Variants in ARMC12 observed in about 807,000 individuals in gnomAD.
ARMC12 encodes armadillo repeat-containing protein 12.
A neutral mutation model predicts 37.4 loss-of-function variants in ARMC12; 25 were observed. The ratio of observed to expected loss-of-function variants is 0.67; its 90% CI spans 0.49 to 0.93. The LOEUF (loss-of-function observed/expected upper bound fraction) is 0.93. ARMC12 is among the 40% of genes least tolerant of loss of function. The pLI is 0.00. For missense variants in ARMC12, 384 were observed against 426.6 expected, an observed-to-expected ratio of 0.90 and a Z score of 0.88; for synonymous variants, 167 against 176.1, an observed-to-expected ratio of 0.95 and a Z score of 0.41.
chr6:35,735,558 C>G (rs758539555), upstream of ARMC12, among the ~76,000 whole-genome samples: 5 of 152,192 alleles, frequency 3.3e-5, no homozygotes, highest in Non-Finnish European at 7.3e-5. This position sits in a 1 kb window ranked among gnomAD's most constrained non-coding sequence, Gnocchi z 4.0. Context: ...TGGGTGCAGC[C>G]CAGGACCCAG....
chr6:35,748,466 G>A (rs1288751998), intron 5 of ARMC12, 72 bp from the exon 6 acceptor site: 18 of 1,289,758 alleles, frequency 1.4e-5, no homozygotes, highest in Non-Finnish European at 1.8e-5. Context: ...TAGGCAATAG[G>A]AATATACAAG....
intron 3 of ARMC12, among the ~76,000 whole-genome samples, chr6:35,740,708 T>C (rs1581923661): frequency 6.6e-6 from 1 of 152,218 alleles, no homozygotes; most frequent in Middle Eastern, 3.4e-3. Context: ...TTCTTTGTAG[T>C]TTTACCATAT....
upstream of ARMC12, chr6:35,737,019 T>C: frequency 1.3e-6 from 2 of 1,564,076 alleles, no homozygotes; most frequent in Non-Finnish European, 8.7e-7. Context: ...GTACCCTGGT[T>C]CCTGACCCTG....
At chr6:35,742,103 T>C (rs4321818) in intron 3 of ARMC12, among the ~76,000 whole-genome samples, 88,558 of 151,492 alleles carry the variant, frequency 0.58, 27,213 homozygotes, top group African/African-American at 0.79. Flanking sequence ...GTGATCCACC[T>C]GCCTCAGCCT....
intron 3 of ARMC12, among the ~76,000 whole-genome samples, chr6:35,743,303 G>A (rs1767233496): frequency 6.7e-6 from 1 of 149,970 alleles, no homozygotes; most frequent in African/African-American, 2.5e-5. Context: ...CGCAACCTCC[G>A]CCTCCCGGGT....
At chr6:35,743,544 T>C (rs1767243119) in intron 3 of ARMC12, among the ~76,000 whole-genome samples, 1 of 152,110 alleles carries the variant, frequency 6.6e-6, no homozygotes, top group Non-Finnish European at 1.5e-5. Flanking sequence ...GAACCGAAGA[T>C]CCCTTTATTC....
chr6:35,736,229 G>A (rs1392755792), upstream of ARMC12, among the ~76,000 whole-genome samples: 1 of 152,222 alleles, frequency 6.6e-6, no homozygotes, highest in Non-Finnish European at 1.5e-5. Context: ...GGAAAAGGGT[G>A]GATTTGCCTC....
chr6:35,748,577 T>G lies in ARMC12; in HGVS notation c.730T>G (p.Ser244Ala), dbSNP rs368911011. 6.4e-7 allele frequency: 1 copy of G among 1,566,028 alleles called. No homozygotes were observed. The highest frequency in any genetic ancestry group is 8.7e-7 in the Non-Finnish European group (1 of 1,153,764). The change falls in exon 6 of 6, where the codon TCA becomes GCA. Residue 244 changes from serine (S) to alanine (A), a missense_variant. Ser to Ala is a moderately conservative substitution (Grantham distance 99, BLOSUM62 1). Coordinates refer to ENST00000373866, the MANE Select transcript of ARMC12 (RefSeq NM_001286574.2). Reference protein sequence around the residue: ...NFLNLFQPTQSGSLLYEVLVF... With the variant: ...NFLNLFQPTQAGSLLYEVLVF... Reference sequence around the variant, plus strand: ...CCTAAACCTGTTCCAGCCCACACAGTCAGGGAGTCTCCTGTATGAGGTACT... The same window carrying G: ...CCTAAACCTGTTCCAGCCCACACAGGCAGGGAGTCTCCTGTATGAGGTACT...
At chr6:35,738,201 C>T (rs537106456) in intron 2 of ARMC12, 29 bp downstream of exon 2, 85 of 1,586,008 alleles carry the variant, frequency 5.4e-5, no homozygotes, top group East Asian at 6.9e-5. Flanking sequence ...CCCCCCTAGC[C>T]GGCCTGGCCC....
chr6:35,731,565 C>T, the ARMC12 span, among the ~76,000 whole-genome samples: 2 of 152,172 alleles, frequency 1.3e-5, no homozygotes, highest in African/African-American at 4.8e-5. Flanking sequence ...CCTCCGCATC[C>T]GAACCTGGGG....
intron 3 of ARMC12, among the ~76,000 whole-genome samples, chr6:35,746,585 C>A (rs558154303): frequency 1.3e-5 from 2 of 151,916 alleles, no homozygotes; most frequent in African/African-American, 4.8e-5. Context: ...GCAGAAATCC[C>A]GGTGAGATGC....
intron 3 of ARMC12, among the ~76,000 whole-genome samples, chr6:35,739,761 G>GGC (rs1767109394): frequency 1.3e-5 from 2 of 152,198 alleles, no homozygotes; most frequent in Admixed American, 1.3e-4. Context: ...CCTGCCACAA[G>GGC]CTCACTTCAG....
At chr6:35,747,809 A>G (rs1032126680) in intron 5 of ARMC12, among the ~76,000 whole-genome samples, 162 bp downstream of exon 5, 2 of 152,154 alleles carry the variant, frequency 1.3e-5, no homozygotes, top group African/African-American at 4.8e-5. Flanking sequence ...TGTTCCCCCC[A>G]GTAGAAGGAG....
At chr6:35,738,901 T>A (rs1767080204) in intron 3 of ARMC12, among the ~76,000 whole-genome samples, 1 of 152,166 alleles carries the variant, frequency 6.6e-6, no homozygotes, top group Admixed American at 6.5e-5. Context: ...CCCCCAAGAC[T>A]TCCCCCCGAC....
At chr6:35,737,016 G>A, upstream of ARMC12, 2 of 1,553,346 alleles carry the variant, frequency 1.3e-6, no homozygotes, top group African/African-American at 1.4e-5. Flanking sequence ...CTGGTACCCT[G>A]GTTCCTGACC....
In ARMC12 at chr6:35,737,941, C is replaced by T. The variant is rs1393508184; in HGVS notation, c.164-86C>T. On this transcript the variant is annotated intron_variant, in intron 1 of 5. Transcript: ENST00000373866. ...TCCGAAAAGGCAAGGCAGCCTTGTCCCCAAGTCCCTGTCCCCTACTTCCCA... is the reference window on the plus strand; with the variant it reads ...TCCGAAAAGGCAAGGCAGCCTTGTCTCCAAGTCCCTGTCCCCTACTTCCCA... 9 of 1,586,998 alleles carry T rather than the reference C, an allele frequency of 5.7e-6. No homozygotes were observed. In the East Asian group the frequency reaches 8.9e-5, roughly 16 times the overall value.
At position 35,748,915 on chromosome 6, in the gene ARMC12, T is replaced by A. The variant is rs1767425453; in HGVS notation, c.*45T>A. ...ATGAGTATAGGAGAGAAACTTGAAGTTTCTTGAAGCTCGAATGTCTGTTGG... is the reference window on the plus strand; with the variant it reads ...ATGAGTATAGGAGAGAAACTTGAAGATTCTTGAAGCTCGAATGTCTGTTGG... On this transcript the variant is annotated 3_prime_UTR_variant, in exon 6 of 6. Transcript: ENST00000373866. 1.3e-6 allele frequency: 2 copies of A among 1,538,210 alleles called. No homozygotes were observed. Among genetic ancestry groups the A allele is most frequent in the African/African-American group, 2.8e-5 (2 of 72,212 alleles).
At chr6:35,741,740 C>T (rs1442366352) in intron 3 of ARMC12, among the ~76,000 whole-genome samples, 2 of 152,020 alleles carry the variant, frequency 1.3e-5, no homozygotes, top group African/African-American at 4.8e-5. Flanking sequence ...TTTTTGGCAT[C>T]AAACTTTTTT....
chr6:35,747,740 T>G, intron 5 of ARMC12, 93 bp downstream of exon 5: 2 of 1,331,798 alleles, frequency 1.5e-6, no homozygotes, highest in African/African-American at 1.4e-5. Flanking sequence ...TTACCCCTGA[T>G]GAATTGTTTT....
Sources: allele counts gnomAD v4.1 joint callset (sites outside exome capture counted in the v4.1 genomes callset), GRCh38; gene constraint gnomAD v4.1.1; non-coding constraint Gnocchi (gnomAD v3.1); transcripts MANE v1.5; gene names NCBI Gene and HGNC (gene_info 2026-07-23, HGNC 2026-07-21).